Variants in VWF observed in about 807,000 individuals in gnomAD.
The protein encoded by VWF is von Willebrand factor.
VWF carries 176 observed loss-of-function variants against 308.6 expected under a neutral mutation model. The ratio of observed to expected loss-of-function variants is 0.57; its 90% confidence interval spans 0.50 to 0.65. The LOEUF is 0.65. VWF is among the 30% of genes least tolerant of loss of function. The pLI, the probability that VWF is intolerant of heterozygous loss-of-function variation, is 0.00. For synonymous variants in VWF, 1,385 were observed against 1,443.4 expected (o/e 0.96, Z 0.92); for missense variants, 3,146 against 3,648.2 (o/e 0.86, Z 3.55).
chr12:5,969,453 G>A (rs1943445034), intron 44 of VWF, 62 bp from the exon 45 acceptor site: 1 of 1,591,838 alleles, frequency 6.3e-7, no homozygotes, highest in African/African-American at 1.3e-5. Context: ...GGTCCCATTG[G>A]GAATGTGCTC....
chr12:6,123,814 G>A (rs181251679), intron 1 of VWF, among the ~76,000 whole-genome samples: 2 of 152,118 alleles, frequency 1.3e-5, no homozygotes, highest in African/African-American at 2.4e-5. Context: ...GGAGTCCAGC[G>A]GCCCTGGATG....
rs1478471382 is a variant in VWF, at chr12:6,016,969, G to A, written c.5054-99C>T. On this transcript the variant is annotated intron_variant, in intron 28 of 51. Coordinates refer to ENST00000261405, the MANE Select transcript of VWF (RefSeq NM_000552.5). Reference sequence around the variant, plus strand: ...TCCAATAGGATCTGCAGGGCGTGCTGACCACGTGGCACCACCAAGGGGGGC... The same window carrying A: ...TCCAATAGGATCTGCAGGGCGTGCTAACCACGTGGCACCACCAAGGGGGGC... 1.7e-5 allele frequency: 22 copies of A among 1,329,776 alleles called. No individual in the cohort carries two copies. In the Middle Eastern group the frequency reaches 5.8e-4, roughly 35 times the overall value. The allele number at this position is 1,329,776 out of a possible 1,614,324, so 82.4% of individuals were successfully genotyped here. A position where few individuals can be genotyped will look rare whatever the true frequency, so the allele number is the denominator to read the frequency against.
Position 6,056,954 on chromosome 12 carries a change from C to T in VWF, c.1848G>A (p.Ser616=), listed in dbSNP as rs372835093. ...CGCCGCACAGGCACTCGCGGCCGTC[C>T]GAGCAGGAGCACACGTCGTAGCGGC... ...RNCRYDVCSC[S]DGRECLCGAL... is the part of the protein sequence containing the mutation. Residue 616 remains serine (S), a synonymous_variant, in exon 15 of 52, where the codon TCG becomes TCA. Transcript: ENST00000261405. 11 of 1,538,520 alleles carry T rather than the reference C, an allele frequency of 7.1e-6. No homozygotes were observed. Among genetic ancestry groups the T allele is most frequent in the Non-Finnish European group, 8.7e-6 (10 of 1,147,226 alleles).
chr12:6,034,098 G>C lies in VWF; in HGVS notation c.2685+590C>G, dbSNP rs1464639448. Reference sequence around the variant, plus strand: ...TGGATCGCTCTCATCTGCTGGGCAGGATGACTTTCCTGTGTCCCATCCTCC... The same window carrying C: ...TGGATCGCTCTCATCTGCTGGGCAGCATGACTTTCCTGTGTCCCATCCTCC... On this transcript the variant is annotated intron_variant, in intron 20 of 51. Coordinates refer to ENST00000261405, the MANE Select transcript of VWF (RefSeq NM_000552.5). Among the ~76,000 whole-genome samples the C allele has an allele frequency of 2.0e-5, 3 of 152,194 alleles. No homozygotes were observed. In the East Asian group the frequency reaches 5.8e-4, roughly 29 times the overall value.
At chr12:6,028,137 A>C (rs1381295790) in intron 22 of VWF, among the ~76,000 whole-genome samples, 1 of 152,222 alleles carries the variant, frequency 6.6e-6, no homozygotes, top group Non-Finnish European at 1.5e-5. Context: ...TAGAGTAGCC[A>C]GAGCCACTTG....
At chr12:6,042,504 C>G (rs2239162) in intron 18 of VWF, among the ~76,000 whole-genome samples, 52,408 of 152,168 alleles carry the variant, frequency 0.34, 10,253 homozygotes, top group African/African-American at 0.52. Flanking sequence ...CTTCTCTGCT[C>G]TCTCGAATCT....
Position 6,060,656 on chromosome 12 carries a change from TC to T in VWF, c.1533+2297del. Among the ~76,000 whole-genome samples the T allele has an allele frequency of 6.6e-6, 1 of 152,306 alleles. No homozygotes were observed. The highest frequency in any genetic ancestry group is 2.1e-4 in the South Asian group (1 of 4,818). On this transcript the variant is annotated intron_variant, in intron 13 of 51. Transcript: ENST00000261405. The surrounding 1 kb of genome is among the most constrained non-coding windows in gnomAD (Gnocchi z 5.1). Reference sequence around the variant, plus strand: ...TAGGCCATGGGGTCATCTGACCCTGTCCTGAACCTTGGCCAAGGAAACGTCT... The same window carrying T: ...TAGGCCATGGGGTCATCTGACCCTGTCTGAACCTTGGCCAAGGAAACGTCT...
chr12:5,963,754 G>C lies in VWF; in HGVS notation c.7887+3732C>G, dbSNP rs1160807683. ...GCAAGTGGTGCAATCATAGCTCAGC[G>C]CAGCTAGGGACTTGTTGAAGCGGCA... On this transcript the variant is annotated intron_variant, in intron 47 of 51. Coordinates refer to ENST00000261405, the MANE Select transcript of VWF (RefSeq NM_000552.5). Among the ~76,000 whole-genome samples the C allele has an allele frequency of 2.0e-5, 3 of 152,168 alleles. No individual in the cohort carries two copies. The South Asian group carries it at 6.2e-4, about 32-fold the overall frequency.
At chr12:5,952,107 A>C (rs1943198615) in intron 49 of VWF, among the ~76,000 whole-genome samples, 1 of 152,184 alleles carries the variant, frequency 6.6e-6, no homozygotes, top group South Asian at 2.1e-4. Context: ...AGTCATCAGG[A>C]TCTTCATTCC....
At chr12:6,009,543 C>T (rs989757208) in intron 34 of VWF, among the ~76,000 whole-genome samples, 3 of 151,862 alleles carry the variant, frequency 2.0e-5, no homozygotes, top group African/African-American at 4.8e-5. Flanking sequence ...AAAGTGGTGT[C>T]GCGACTACAG....
Position 6,075,224 on chromosome 12 carries a change from G to T in VWF, c.874+111C>A. ...GGCTTTGTAGTCACTGGCTGGCTGG[G>T]TGTGGTAAAGCCGCACATACGTGAC... On this transcript the variant is annotated intron_variant, in intron 7 of 51. Transcript: ENST00000261405. The surrounding 1 kb of genome is among the most constrained non-coding windows in gnomAD (Gnocchi z 4.7). The T allele has an allele frequency of 7.3e-7, 1 of 1,366,572 alleles. No individual in the cohort carries two copies. 84.7% of individuals were successfully genotyped at this position (1,366,572 alleles called of 1,614,324 possible). A position where few individuals can be genotyped will look rare whatever the true frequency, so the allele number is the denominator to read the frequency against.
intron 43 of VWF, among the ~76,000 whole-genome samples, chr12:5,974,425 ATCT>A (rs1026516722): frequency 1.1e-4 from 16 of 152,024 alleles, no homozygotes; most frequent in African/African-American, 3.6e-4. Context: ...CTCCCTACTC[ATCT>A]TCTTTTTGAA....
At chr12:5,983,995 G>C (rs1377946927) in intron 40 of VWF, among the ~76,000 whole-genome samples, 1 of 115,242 alleles carries the variant, frequency 8.7e-6, no homozygotes, top group East Asian at 3.7e-4. Flanking sequence ...TAGATAGATA[G>C]ATAGATAGAT....
intron 34 of VWF, among the ~76,000 whole-genome samples, chr12:6,009,154 C>A (rs572214619): frequency 6.7e-6 from 1 of 148,360 alleles, no homozygotes; most frequent in East Asian, 2.0e-4. Context: ...AGGCAGCCTA[C>A]AGAATGGAAG....
chr12:5,949,058 T>C lies in VWF; in HGVS notation c.8399A>G (p.Asn2800Ser). 1.2e-6 allele frequency: 2 copies of C among 1,614,116 alleles called. No individual in the cohort carries two copies. The highest frequency in any genetic ancestry group is 1.7e-6 in the Non-Finnish European group (2 of 1,179,986). The change falls in exon 52 of 52, where the codon AAT becomes AGT. Residue 2800 changes from asparagine to serine, a missense_variant. By Grantham distance (46) the Asn-to-Ser change is conservative. This residue lies in a region of VWF where 989 missense variants were observed against 1,117.4 expected (regional missense o/e 0.89). Coordinates refer to ENST00000261405, the MANE Select transcript of VWF (RefSeq NM_000552.5). ...GGGGGAGCATTTGCACTCCATGGCA[T>C]TGAGAACCTCATGGTACACAACAGA... ...NGSVVYHEVL[N>S]AMECKCSPRK...
At chr12:6,092,616 AGAGTGTGTGTGTGTGTGT>A (rs1945054701) in intron 6 of VWF, among the ~76,000 whole-genome samples, 2 of 96,622 alleles carry the variant, frequency 2.1e-5, no homozygotes, top group African/African-American at 5.4e-5. Flanking sequence ...TGAGTGAGTG[AGAGTGTGTGTGTGTGTGT>A]GTGTGTGTGT....
In VWF at chr12:6,020,156, C is replaced by A. The variant is rs1305891470; in HGVS notation, c.3675-413G>T. 6.6e-6 allele frequency among the ~76,000 whole-genome samples: 1 copy of A among 152,198 alleles called. No homozygotes were observed. On this transcript the variant is annotated intron_variant, in intron 27 of 51. Coordinates refer to ENST00000261405, the MANE Select transcript of VWF (RefSeq NM_000552.5). This position sits in a 1 kb window ranked among gnomAD's most constrained non-coding sequence, Gnocchi z 4.3. The stretch of plus-strand genomic sequence containing the variant: ...AGAACAAATGTTACTAAAATGTAGA[C>A]GCTAACCTGTGTTTGTACATGTTCT...
chr12:6,114,752 T>C (rs1008893143), intron 3 of VWF, among the ~76,000 whole-genome samples: 1 of 152,254 alleles, frequency 6.6e-6, no homozygotes. Context: ...TGAGCCTGTG[T>C]GAGGCAGCTC....
At chr12:5,964,391 A>G (rs1379972189) in intron 47 of VWF, among the ~76,000 whole-genome samples, 1 of 152,234 alleles carries the variant, frequency 6.6e-6, no homozygotes, top group African/African-American at 2.4e-5. Flanking sequence ...AGTTCTTTTG[A>G]CCCTTTCCAC....
Sources: allele counts gnomAD v4.1 joint callset (sites outside exome capture counted in the v4.1 genomes callset), GRCh38; gene constraint gnomAD v4.1.1; regional missense constraint gnomAD v4.1.1; non-coding constraint Gnocchi (gnomAD v3.1); transcripts MANE v1.5; gene names NCBI Gene and HGNC (gene_info 2026-07-23, HGNC 2026-07-21).